TOX: variants seen among roughly 807,000 people sequenced by gnomAD.
TOX encodes the protein thymocyte selection associated high mobility group box.
TOX carries 11 observed loss-of-function variants against 53.7 expected under a neutral mutation model. The ratio of observed to expected loss-of-function variants is 0.20; its 90% CI spans 0.13 to 0.34. The LOEUF is 0.34. Ranked by LOEUF, TOX falls within the 10% of genes least tolerant of loss-of-function variation. TOX has a pLI of 1.00. For synonymous variants in TOX, 225 were observed against 245.3 expected (o/e 0.92, Z 0.77); for missense variants, 570 against 664.6 (o/e 0.86, Z 1.56).
chr8:59,042,314 A>C (rs2129420795), intron 1 of TOX, among the ~76,000 whole-genome samples: 1 of 152,308 alleles, frequency 6.6e-6, no homozygotes, highest in South Asian at 2.1e-4. Context: ...AAATATGACT[A>C]CTTAATACTG....
At chr8:59,044,854 A>G (rs1803656654) in intron 1 of TOX, among the ~76,000 whole-genome samples, 1 of 152,238 alleles carries the variant, frequency 6.6e-6, no homozygotes. Flanking sequence ...AACACAAGAA[A>G]GCATAAAAGG....
chr8:58,861,987 G>C (rs1479882728), intron 3 of TOX, among the ~76,000 whole-genome samples: 1 of 152,140 alleles, frequency 6.6e-6, no homozygotes, highest in African/African-American at 2.4e-5. Context: ...GCTTGAGCCA[G>C]ACAGCTTCCC....
chr8:59,060,851 CTTG>C (rs1803972371), intron 1 of TOX, among the ~76,000 whole-genome samples: 1 of 152,142 alleles, frequency 6.6e-6, no homozygotes. Flanking sequence ...GCCACTGTAT[CTTG>C]TTGTTTGGTG....
At chr8:59,116,065 T>C (rs1447237194) in intron 1 of TOX, among the ~76,000 whole-genome samples, 1 of 152,150 alleles carries the variant, frequency 6.6e-6, no homozygotes, top group Non-Finnish European at 1.5e-5. Flanking sequence ...CATTAGAGTC[T>C]CTTCTGACAT....
chr8:59,005,044 CT>C (rs11332501), intron 1 of TOX, among the ~76,000 whole-genome samples: 114,500 of 141,678 alleles, frequency 0.81, 46,192 homozygotes, highest in East Asian at 0.9. Flanking sequence ...ATATCATTTT[CT>C]TTTTTTTTTT....
chr8:58,885,100 A>G (rs1363410469), intron 3 of TOX, among the ~76,000 whole-genome samples: 1 of 152,152 alleles, frequency 6.6e-6, no homozygotes, highest in African/African-American at 2.4e-5. Context: ...TTTACAGAAG[A>G]TAGCACTTTC....
chr8:58,976,068 C>G (rs961061089), intron 1 of TOX, among the ~76,000 whole-genome samples: 3 of 64,510 alleles, frequency 4.7e-5, no homozygotes. Flanking sequence ...GAGACTCCGT[C>G]TAATAAAAAA....
intron 1 of TOX, chr8:58,991,648 C>T (rs1348391796): frequency 3.3e-5 from 5 of 152,194 alleles, no homozygotes; most frequent in South Asian, 2.1e-4. Context: ...CAGCTCTCTG[C>T]CCCTGGTGAT....
chr8:58,850,782 T>G (rs1224954301), intron 4 of TOX, among the ~76,000 whole-genome samples: 6 of 152,196 alleles, frequency 3.9e-5, no homozygotes, highest in African/African-American at 1.2e-4. Context: ...CTATCTGGAC[T>G]GAAAAAATTT....
intron 3 of TOX, among the ~76,000 whole-genome samples, chr8:58,927,047 C>T (rs958458742): frequency 2.8e-5 from 4 of 145,100 alleles, no homozygotes; most frequent in African/African-American, 5.1e-5. Context: ...ATTGTCACAC[C>T]TTTTTTTTTT....
chr8:59,077,980 GAGA>G (rs757604423), intron 1 of TOX, among the ~76,000 whole-genome samples: 1 of 152,244 alleles, frequency 6.6e-6, no homozygotes, highest in Non-Finnish European at 1.5e-5. Context: ...TGTTCACAGG[GAGA>G]AGATGAATCA....
At chr8:58,911,997 C>T (rs773097229) in intron 3 of TOX, among the ~76,000 whole-genome samples, 18 of 152,192 alleles carry the variant, frequency 1.2e-4, no homozygotes, top group African/African-American at 2.2e-4. Flanking sequence ...CCACCGTGCC[C>T]GGCCCAAATA....
At chr8:59,005,121 C>G (rs1813765089) in intron 1 of TOX, among the ~76,000 whole-genome samples, 1 of 151,894 alleles carries the variant, frequency 6.6e-6, no homozygotes, top group African/African-American at 2.4e-5. Flanking sequence ...TCACTGCAAG[C>G]TCTGCCTCCC....
chr8:58,940,785 C>T (rs186413152), intron 2 of TOX, among the ~76,000 whole-genome samples: 40 of 152,238 alleles, frequency 2.6e-4, no homozygotes, highest in African/African-American at 7.5e-4. Flanking sequence ...TGTGTCCAAG[C>T]GCCTGGGGTT....
chr8:59,059,723 T>G (rs183562927), intron 1 of TOX, among the ~76,000 whole-genome samples: 33 of 152,348 alleles, frequency 2.2e-4, no homozygotes, highest in Non-Finnish European at 3.8e-4. Context: ...AGTAAAATTA[T>G]TCCCTACTTG....
intron 3 of TOX, among the ~76,000 whole-genome samples, chr8:58,857,039 G>T (rs574371650): frequency 3.9e-5 from 6 of 152,250 alleles, no homozygotes; most frequent in Admixed American, 1.3e-4. Context: ...AGCTGGGAGA[G>T]AATTTATTTT....
At chr8:58,960,418 C>T (rs1048928029) in intron 1 of TOX, among the ~76,000 whole-genome samples, 4 of 152,122 alleles carry the variant, frequency 2.6e-5, no homozygotes, top group African/African-American at 7.2e-5. Flanking sequence ...AGGCACAGCT[C>T]GGTGCATTCT....
At chr8:58,958,593 C>G (rs555558399) in intron 2 of TOX, among the ~76,000 whole-genome samples, 104 of 152,270 alleles carry the variant, frequency 6.8e-4, no homozygotes, top group African/African-American at 2.4e-3. Flanking sequence ...ATCAAACAGT[C>G]CTGTTCAGAA....
intron 1 of TOX, among the ~76,000 whole-genome samples, chr8:58,994,008 G>C (rs1001221005): frequency 1.3e-5 from 2 of 152,082 alleles, no homozygotes; most frequent in Admixed American, 6.5e-5. Flanking sequence ...TTTTCACCTA[G>C]ATCCACGACA....
Sources: allele counts gnomAD v4.1 joint callset (sites outside exome capture counted in the v4.1 genomes callset), GRCh38; gene constraint gnomAD v4.1.1; transcripts MANE v1.5; gene names NCBI Gene and HGNC (gene_info 2026-07-23, HGNC 2026-07-21).